ZNF112: variants seen among roughly 807,000 people sequenced by gnomAD.
ZNF112 encodes the protein zinc finger protein 112, also known as zinc finger protein 112 (Y14).
A neutral mutation model predicts 77.7 loss-of-function variants in ZNF112; 37 were observed. The ratio of observed to expected loss-of-function variants is 0.48; its 90% confidence interval spans 0.37 to 0.63. ZNF112 has a LOEUF of 0.63. Among genes scored for constraint, ZNF112 ranks in the 20% least tolerant of loss-of-function variants. The pLI, the probability that ZNF112 is intolerant of heterozygous loss-of-function variation, is 0.00. For synonymous variants in ZNF112, 333 were observed against 363.6 expected (o/e 0.92, Z 0.96); for missense variants, 950 against 1,077.4 (o/e 0.88, Z 1.66).
In ZNF112 at chr19:44,340,423, G is replaced by A. The variant is rs1970468318; in HGVS notation, c.117C>T (p.Leu39=). 6.2e-7 allele frequency: 1 copy of A among 1,613,928 alleles called. No homozygotes were observed. The highest frequency in any genetic ancestry group is 8.5e-7 in the Non-Finnish European group (1 of 1,179,914). The change falls in exon 2 of 4, where the codon CTC becomes CTT. Residue 39 remains leucine (L), a synonymous_variant. Coordinates refer to ENST00000354340, the MANE Select transcript of ZNF112 (RefSeq NM_013380.4). ...AAGGGCACCTATCCTCACCTACTAA[G>A]AGCAGGTTCCTGAAGTTCTCCAGCA... ...DVMLENFRNL[L]LVAHQPFKPD...
At chr19:44,330,468 G>A (rs1268295493) in intron 3 of ZNF112, among the ~76,000 whole-genome samples, 1 of 152,208 alleles carries the variant, frequency 6.6e-6, no homozygotes, top group African/African-American at 2.4e-5. Context: ...GGGCATGGTG[G>A]CTCATGCCTG....
chr19:44,333,010 T>C (rs1364670072), intron 3 of ZNF112, among the ~76,000 whole-genome samples: 1 of 152,208 alleles, frequency 6.6e-6, no homozygotes, highest in Non-Finnish European at 1.5e-5. Flanking sequence ...AGTTTATAAA[T>C]GAACTTTATT....
At chr19:44,360,141 A>G (rs1326434702), upstream of ZNF112, among the ~76,000 whole-genome samples, 1 of 151,708 alleles carries the variant, frequency 6.6e-6, no homozygotes, top group Non-Finnish European at 1.5e-5. Flanking sequence ...CTGTATTCCC[A>G]GTTATTTGGG....
Position 44,328,862 on chromosome 19 carries a change from A to G in ZNF112, c.1295T>C (p.Met432Thr), listed in dbSNP as rs768209590. 8.1e-6 allele frequency: 13 copies of G among 1,613,902 alleles called. No homozygotes were observed. In the South Asian group the frequency reaches 1.4e-4, roughly 18 times the overall value. Residue 432 changes from methionine (M) to threonine (T), a missense_variant, in exon 4 of 4, where the codon ATG becomes ACG. Met to Thr is a moderately conservative substitution (Grantham distance 81, BLOSUM62 -1). This residue lies in a region of ZNF112 where 560 missense variants were observed against 557.3 expected (regional missense o/e 1.00). Transcript: ENST00000354340. Reference protein sequence around the residue: ...SNLDIQHRVHMEENSYNSEEC... With the variant: ...SNLDIQHRVHTEENSYNSEEC... Reference sequence around the variant, plus strand: ...CTCAGAATTATATGAATTCTCTTCCATATGAACCCTATGCTGAATGTCAAG... The same window carrying G: ...CTCAGAATTATATGAATTCTCTTCCGTATGAACCCTATGCTGAATGTCAAG...
At chr19:44,359,566 C>T (rs1376760221), upstream of ZNF112, among the ~76,000 whole-genome samples, 3 of 151,996 alleles carry the variant, frequency 2.0e-5, no homozygotes, top group Admixed American at 2.0e-4. Context: ...TCGTGATCCA[C>T]CCGCCTCAGC....
Position 44,329,674 on chromosome 19 carries a change from A to G in ZNF112, c.483T>C (p.Asn161=). 6.2e-7 allele frequency: 1 copy of G among 1,614,102 alleles called. No homozygotes were observed. Among genetic ancestry groups the G allele is most frequent in the South Asian group, 1.1e-5 (1 of 91,078 alleles). ...YIFTHIGNGS[N]YIKSQGYPSW... ...ATGGATACCCTTGACTTTTTATATA[A>G]TTGGAGCCATTCCCTATATGAGTGA... The change falls in exon 4 of 4, where the codon AAT becomes AAC. Residue 161 remains asparagine (N), a synonymous_variant. Transcript: ENST00000354340.
intron 1 of ZNF112, among the ~76,000 whole-genome samples, chr19:44,345,380 T>C (rs1329266730): frequency 6.6e-6 from 1 of 152,188 alleles, no homozygotes; most frequent in Non-Finnish European, 1.5e-5. Context: ...ATTTCTCTCT[T>C]TTAAATGATG....
chr19:44,343,634 G>A (rs370971162), intron 1 of ZNF112, among the ~76,000 whole-genome samples: 5 of 152,280 alleles, frequency 3.3e-5, no homozygotes, highest in South Asian at 4.1e-4. Context: ...AAATGTCTAC[G>A]TTCAAAACCT....
rs1343866713 is a variant in ZNF112 at position 44,327,245 on chromosome 19, A to G, written c.*188T>C. On this transcript the variant is annotated 3_prime_UTR_variant, in exon 4 of 4. Transcript: ENST00000354340. The stretch of plus-strand genomic sequence containing the variant: ...TTTTATAAGCCTTAGCTCCTGTGCA[A>G]TGACTGATGTTAAAGTTCTAACAAA... 6 of 558,890 alleles carry G rather than the reference A, an allele frequency of 1.1e-5. No individual in the cohort carries two copies. In the East Asian group the frequency reaches 1.7e-4, roughly 16 times the overall value. 34.6% of individuals were successfully genotyped at this position (558,890 alleles called of 1,614,324 possible).
At chr19:44,356,178 A>C (rs1970783149) in intron 1 of ZNF112, among the ~76,000 whole-genome samples, 1 of 152,218 alleles carries the variant, frequency 6.6e-6, no homozygotes, top group Admixed American at 6.5e-5. Flanking sequence ...AAAATTAAAA[A>C]GTGCTAATAA....
Position 44,327,418 on chromosome 19 carries a change from T to C in ZNF112, c.*15A>G, listed in dbSNP as rs1354773367. 2 of 1,546,438 alleles carry C rather than the reference T, an allele frequency of 1.3e-6. No homozygotes were observed. The highest frequency in any genetic ancestry group is 1.7e-6 in the Non-Finnish European group (2 of 1,148,728). ...ACTCTAGTGACTGGAAAATTTCAGCTCCCATTTGAGGACTTCAAAACAAAA... is the reference window on the plus strand; with the variant it reads ...ACTCTAGTGACTGGAAAATTTCAGCCCCCATTTGAGGACTTCAAAACAAAA... On this transcript the variant is annotated 3_prime_UTR_variant, in exon 4 of 4. Transcript: ENST00000354340.
In ZNF112 at chr19:44,328,521, G is replaced by A; in HGVS notation, c.1636C>T (p.Pro546Ser). The A allele has an allele frequency of 6.3e-7, 1 of 1,597,378 alleles. No homozygotes were observed. The highest frequency in any genetic ancestry group is 8.6e-7 in the Non-Finnish European group (1 of 1,168,668). The change falls in exon 4 of 4, where the codon CCT (proline) becomes TCT (serine). Residue 546 changes from proline to serine, a missense_variant. Physicochemically the swap from Pro to Ser is moderately conservative, Grantham distance 74. Transcript: ENST00000354340. Reference protein sequence around the residue: ...VHQRVHTGEKPYKCEECDKGF... With the variant: ...VHQRVHTGEKSYKCEECDKGF... ...TTATCACATTCCTCGCATTTATAAG[G>A]TTTCTCTCCTGTGTGGACTCTCTGA... is the stretch of plus-strand genomic sequence containing the variant.
chr19:44,343,910 T>C (rs1970538846), intron 1 of ZNF112, among the ~76,000 whole-genome samples: 1 of 152,226 alleles, frequency 6.6e-6, no homozygotes, highest in Non-Finnish European at 1.5e-5. Context: ...CAGAGATTAC[T>C]GCTCTGTCCC....
At chr19:44,331,452 A>G (rs764845684) in intron 3 of ZNF112, among the ~76,000 whole-genome samples, 5 of 152,226 alleles carry the variant, frequency 3.3e-5, no homozygotes, top group Non-Finnish European at 7.3e-5. Context: ...AGATCTTCAT[A>G]TACTAGTGAC....
At chr19:44,347,245 T>C (rs1250833352) in intron 1 of ZNF112, among the ~76,000 whole-genome samples, 1 of 152,140 alleles carries the variant, frequency 6.6e-6, no homozygotes, top group Non-Finnish European at 1.5e-5. Context: ...TTTTCACTTT[T>C]TCACTTTCAA....
chr19:44,357,501 T>C (rs1179732795), upstream of ZNF112, among the ~76,000 whole-genome samples: 3 of 152,170 alleles, frequency 2.0e-5, no homozygotes, highest in Non-Finnish European at 4.4e-5. Flanking sequence ...CGTCTGAAAC[T>C]GATAGTGCTG....
At chr19:44,360,647 G>A (rs997532978), upstream of ZNF112, among the ~76,000 whole-genome samples, 1 of 105,680 alleles carries the variant, frequency 9.5e-6, no homozygotes, top group African/African-American at 3.7e-5. Context: ...AATTTTATAT[G>A]CATGCTCATG....
At chr19:44,338,714 G>C (rs139635596) in intron 2 of ZNF112, among the ~76,000 whole-genome samples, 64 of 152,314 alleles carry the variant, frequency 4.2e-4, no homozygotes, top group African/African-American at 1.5e-3. Context: ...TAAAGAGACA[G>C]AACAACTATA....
intron 1 of ZNF112, 31 bp from the exon 2 acceptor site, chr19:44,340,573 T>C (rs1229191322): frequency 6.2e-7 from 1 of 1,613,358 alleles, no homozygotes; most frequent in Non-Finnish European, 8.5e-7. Flanking sequence ...ACACTAAGTT[T>C]ACAGAAGAAG....
Sources: gnomAD v4.1 joint callset for allele counts (sites outside exome capture counted in the v4.1 genomes callset) on GRCh38, gnomAD v4.1.1 for gene constraint, gnomAD v4.1.1 regional missense constraint, MANE v1.5 for transcripts, NCBI Gene and HGNC (gene_info 2026-07-23, HGNC 2026-07-21) for gene names.